The following CDH4 variants were observed in gnomAD, a reference collection of about 807,000 sequenced individuals.
CDH4 encodes the protein cadherin 4.
In CDH4, 33 loss-of-function variants were observed where a neutral mutation model predicts 86.0. The ratio of observed to expected loss-of-function variants is 0.38; its 90% CI spans 0.29 to 0.51. The LOEUF (loss-of-function observed/expected upper bound fraction) is 0.51. Among genes scored for constraint, CDH4 ranks in the 20% least tolerant of loss-of-function variants. The pLI, the probability that CDH4 is intolerant of heterozygous loss-of-function variation, is 0.86. For synonymous variants in CDH4, 555 were observed against 549.4 expected, an observed-to-expected ratio of 1.01 and a Z score of -0.14; for missense variants, 1,114 against 1,307.4, an observed-to-expected ratio of 0.85 and a Z score of 2.28.
chr20:61,553,775 A>G (rs1421092913), intron 2 of CDH4, among the ~76,000 whole-genome samples: 1 of 152,190 alleles, frequency 6.6e-6, no homozygotes, highest in Non-Finnish European at 1.5e-5. Flanking sequence ...CTATCTCCCT[A>G]TCCCCTGTCC....
At chr20:61,728,826 G>T (rs1026495774) in intron 2 of CDH4, among the ~76,000 whole-genome samples, 2 of 152,134 alleles carry the variant, frequency 1.3e-5, no homozygotes, top group African/African-American at 4.8e-5. Context: ...AAAATAACTC[G>T]CACTTCTCCA....
At chr20:61,814,013 C>G (rs868617213) in intron 4 of CDH4, among the ~76,000 whole-genome samples, 1 of 152,212 alleles carries the variant, frequency 6.6e-6, no homozygotes, top group South Asian at 2.1e-4. Context: ...ATCCCCATTC[C>G]TGAGAATGCA....
chr20:61,401,846 G>A (rs1403582598), intron 2 of CDH4, among the ~76,000 whole-genome samples: 2 of 152,184 alleles, frequency 1.3e-5, no homozygotes, highest in South Asian at 2.1e-4. Flanking sequence ...CTGCTGGAAC[G>A]GAGGCCCATG....
Position 61,709,362 on chromosome 20 carries a change from C to T in CDH4, c.170-34201C>T, listed in dbSNP as rs745668330. Among the ~76,000 whole-genome samples the T allele has an allele frequency of 2.0e-5, 3 of 152,146 alleles. No homozygotes were observed. The highest frequency in any genetic ancestry group is 6.5e-5 in the Admixed American group (1 of 15,280). ...TGATCTTGGCTCACTGCAACCTCCGCCTCCTGGGTTCAAGCAATTCTCCTG... is the reference window on the plus strand; with the variant it reads ...TGATCTTGGCTCACTGCAACCTCCGTCTCCTGGGTTCAAGCAATTCTCCTG... On this transcript the variant is annotated intron_variant, in intron 2 of 15. Transcript: ENST00000614565. The surrounding 1 kb of genome is among the most constrained non-coding windows in gnomAD (Gnocchi z 4.8).
chr20:61,572,386 C>T (rs571655979), intron 2 of CDH4, among the ~76,000 whole-genome samples: 16 of 152,252 alleles, frequency 1.1e-4, no homozygotes, highest in African/African-American at 2.2e-4. Context: ...GAGTGGGAGA[C>T]GCAAGGGAAG....
chr20:61,276,016 A>T (rs1322396798), intron 2 of CDH4, among the ~76,000 whole-genome samples: 2 of 152,180 alleles, frequency 1.3e-5, no homozygotes, highest in Non-Finnish European at 2.9e-5. Flanking sequence ...CATCAGTATC[A>T]CTGACAGCGG....
intron 6 of CDH4, among the ~76,000 whole-genome samples, chr20:61,868,276 C>G (rs4300920): frequency 1.3e-5 from 2 of 152,098 alleles, no homozygotes; most frequent in Non-Finnish European, 2.9e-5. Context: ...GGTACAGAGA[C>G]GCGGGAATGC....
intron 2 of CDH4, among the ~76,000 whole-genome samples, chr20:61,415,290 A>G (rs1014989729): frequency 2.0e-5 from 3 of 152,216 alleles, no homozygotes; most frequent in Non-Finnish European, 4.4e-5. Context: ...TGGTAGAGCC[A>G]TGGAGGGATT....
At chr20:61,416,363 C>T (rs950261795) in intron 2 of CDH4, among the ~76,000 whole-genome samples, 3 of 152,196 alleles carry the variant, frequency 2.0e-5, no homozygotes, top group Admixed American at 1.3e-4. Context: ...TGTTTATCCC[C>T]TCATTCACGA....
chr20:61,329,607 C>T (rs1467690632), intron 2 of CDH4, among the ~76,000 whole-genome samples: 2 of 151,416 alleles, frequency 1.3e-5, no homozygotes, highest in Non-Finnish European at 3.0e-5. Context: ...CATCAGAAAG[C>T]TGAGTGAGCC....
At position 61,681,433 on chromosome 20, in the gene CDH4, CTG is replaced by C. The variant is rs1221935301; in HGVS notation, c.170-62125_170-62124del. ...TTAGACAATCCTTGGAACTTTATAA[CTG>C]TGTGCGTATTTCAAGGGATCTGTTG... On this transcript the variant is annotated intron_variant, in intron 2 of 15. Transcript: ENST00000614565. This position sits in a 1 kb window ranked among gnomAD's most constrained non-coding sequence, Gnocchi z 4.5. 2.0e-5 allele frequency among the ~76,000 whole-genome samples: 3 copies of C among 152,156 alleles called. No individual in the cohort carries two copies. The highest frequency in any genetic ancestry group is 2.4e-5 in the African/African-American group (1 of 41,432).
intron 2 of CDH4, among the ~76,000 whole-genome samples, chr20:61,554,908 CAT>C (rs2086165048): frequency 6.6e-6 from 1 of 152,218 alleles, no homozygotes; most frequent in Non-Finnish European, 1.5e-5. Context: ...TGTGTGCAGA[CAT>C]GTACATGTGT....
Position 61,274,610 on chromosome 20 carries a change from G to A in CDH4, c.169+19673G>A, listed in dbSNP as rs529314855. ...ACTGTGTGCAGCTTGGGGGAGTACC[G>A]TGTGCAGTTTGGAGGAGTACGGTGT... On this transcript the variant is annotated intron_variant, in intron 2 of 15. Coordinates refer to ENST00000614565, the MANE Select transcript of CDH4 (RefSeq NM_001794.5). 1.3e-3 allele frequency among the ~76,000 whole-genome samples: 186 copies of A among 142,492 alleles called. 1 individual carries two copies. The highest frequency in any genetic ancestry group is 4.2e-3 in the African/African-American group (160 of 38,204). The allele number at this position is 142,492 out of a possible 152,430, so 93.5% of individuals were successfully genotyped here.
chr20:61,624,270 G>A (rs781042023), intron 2 of CDH4, among the ~76,000 whole-genome samples: 33 of 152,218 alleles, frequency 2.2e-4, no homozygotes, highest in Non-Finnish European at 4.4e-4. Flanking sequence ...ACTGAGAGAG[G>A]TCTAAATAAG....
At chr20:61,607,074 T>C (rs1262554783) in intron 2 of CDH4, among the ~76,000 whole-genome samples, 2 of 152,232 alleles carry the variant, frequency 1.3e-5, no homozygotes, top group African/African-American at 4.8e-5. Context: ...TTTACAACCT[T>C]GTGGTAACAC....
At chr20:61,927,431 G>A (rs555916306) in intron 11 of CDH4, among the ~76,000 whole-genome samples, 17 of 152,308 alleles carry the variant, frequency 1.1e-4, no homozygotes, top group African/African-American at 4.1e-4. Context: ...AGAGGTCATC[G>A]GGTCCTCCAA....
intron 9 of CDH4, among the ~76,000 whole-genome samples, chr20:61,911,061 A>G (rs1213355294): frequency 1.3e-5 from 2 of 152,218 alleles, no homozygotes; most frequent in African/African-American, 2.4e-5. Context: ...GGGTTTTGGT[A>G]TCAAGGTTAC....
intron 2 of CDH4, among the ~76,000 whole-genome samples, chr20:61,600,196 G>A (rs568764929): frequency 6.6e-6 from 1 of 152,368 alleles, no homozygotes; most frequent in East Asian, 1.9e-4. Context: ...CTGCAGAACC[G>A]GAGGCCTGTG....
chr20:61,328,043 A>G (rs1179246841), intron 2 of CDH4, among the ~76,000 whole-genome samples: 2 of 152,236 alleles, frequency 1.3e-5, no homozygotes, highest in East Asian at 1.9e-4. Flanking sequence ...TGTTTGTACA[A>G]CATTTTTAGA....
Sources: gnomAD v4.1 joint callset for allele counts (sites outside exome capture counted in the v4.1 genomes callset) on GRCh38, gnomAD v4.1.1 for gene constraint, Gnocchi (gnomAD v3.1) non-coding constraint, MANE v1.5 for transcripts, NCBI Gene and HGNC (gene_info 2026-07-23, HGNC 2026-07-21) for gene names.